Variants in PCDHGB2 observed in about 807,000 individuals in gnomAD.
The protein encoded by PCDHGB2 is protocadherin gamma subfamily B, 2.
A neutral mutation model predicts 59.3 loss-of-function variants in PCDHGB2; 55 were observed. That is an observed-to-expected ratio of 0.93 (90% CI 0.75 to 1.16). The LOEUF (loss-of-function observed/expected upper bound fraction) is 1.16, where lower values mean the gene tolerates loss of function less well. Ranked by LOEUF, PCDHGB2 falls within the 50% of genes most tolerant of loss-of-function variation. The pLI is 0.00. For synonymous variants in PCDHGB2, 516 were observed against 512.0 expected, an observed-to-expected ratio of 1.01 and a Z score of -0.11; for missense variants, 1,228 against 1,198.5, an observed-to-expected ratio of 1.02 and a Z score of -0.36.
chr5:141,362,243 T>C lies in PCDHGB2; in HGVS notation c.2108T>C (p.Phe703Ser), dbSNP rs1431406827. Residue 703 changes from phenylalanine to serine, a missense_variant, in exon 1 of 4, where the codon TTC (phenylalanine) becomes TCC (serine). Phe to Ser is a radical substitution (Grantham distance 155). Around this residue, in one of 3 missense-constraint regions of PCDHGB2, gnomAD observed 433 missense variants for 441.8 expected, o/e 0.98. Transcript: ENST00000522605. ...VVALALISVLFFLAVILAISL... is the reference protein window; with the variant it reads ...VVALALISVLSFLAVILAISL... ...GCCTTGGCCTTGATCTCAGTGCTCT[T>C]CTTCCTCGCGGTGATTCTGGCAATC... 6.2e-7 allele frequency: 1 copy of C among 1,613,912 alleles called. No individual in the cohort carries two copies. The highest frequency in any genetic ancestry group is 8.5e-7 in the Non-Finnish European group (1 of 1,179,906).
chr5:141,423,501 C>G, intron 1 of PCDHGB2: 1 of 1,613,990 alleles, frequency 6.2e-7, no homozygotes, highest in African/African-American at 1.3e-5. Flanking sequence ...CCCACGAGGT[C>G]TCTCTCATTG....
Position 141,404,830 on chromosome 5 carries a change from G to A in PCDHGB2, c.2421+42274G>A, listed in dbSNP as rs775106144. The A allele has an allele frequency of 3.7e-6, 6 of 1,613,932 alleles. No individual in the cohort carries two copies. In the East Asian group the frequency reaches 1.3e-4, roughly 36 times the overall value. ...CGGTGGGGCTGCACACAGGTGAAGT[G>A]CGCACAGCTCGGGCCCTGCTAGATA... On this transcript the variant is annotated intron_variant, in intron 1 of 3. Coordinates refer to ENST00000522605, the MANE Select transcript of PCDHGB2 (RefSeq NM_018923.3).
intron 1 of PCDHGB2, chr5:141,441,978 A>T (rs769977785): frequency 9.1e-5 from 26 of 285,248 alleles, no homozygotes; most frequent in Non-Finnish European, 1.8e-4. Flanking sequence ...TCAGCCTGGA[A>T]TGCGCACCGA....
Position 141,431,464 on chromosome 5 carries a change from G to GA in PCDHGB2, c.2422-63341dup, listed in dbSNP as rs1561852795. 1 of 1,613,782 alleles carries GA rather than the reference G, an allele frequency of 6.2e-7. No homozygotes were observed. Among genetic ancestry groups the GA allele is most frequent in the Non-Finnish European group, 8.5e-7 (1 of 1,179,972 alleles). ...GCATCCGCGTGATGGTTCTGGATGC[G>GA]AACGACAACGCACCAGCGTTTGCTC... On this transcript the variant is annotated intron_variant, in intron 1 of 3. Coordinates refer to ENST00000522605, the MANE Select transcript of PCDHGB2 (RefSeq NM_018923.3). This position sits in a 1 kb window ranked among gnomAD's most constrained non-coding sequence, Gnocchi z 4.8.
At chr5:141,421,601 T>C (rs1309928984) in intron 1 of PCDHGB2, 19 of 1,613,652 alleles carry the variant, frequency 1.2e-5, no homozygotes, top group Non-Finnish European at 1.6e-5. Context: ...GTGGAAATAA[T>C]AGATATTAAT....
chr5:141,437,719 TA>T (rs1316054877), intron 1 of PCDHGB2, among the ~76,000 whole-genome samples: 1 of 151,332 alleles, frequency 6.6e-6, no homozygotes, highest in African/African-American at 2.4e-5. Context: ...AGTTACCCTC[TA>T]ATGTTACACT....
intron 1 of PCDHGB2, chr5:141,415,641 TAAA>T: frequency 7.8e-7 from 1 of 1,280,840 alleles, no homozygotes; most frequent in African/African-American, 1.5e-5. Context: ...TTACTTTTGT[TAAA>T]AAAAAAAAGA....
Position 141,477,114 on chromosome 5 carries a change from G to C in PCDHGB2, c.2422-17693G>C. ...AAAGACAAGGGCGCCAATCCCGAAG[G>C]AGCACATTGCAAAGTGTTGGTGGAG... is the stretch of plus-strand genomic sequence containing the variant. On this transcript the variant is annotated intron_variant, in intron 1 of 3. Coordinates refer to ENST00000522605, the MANE Select transcript of PCDHGB2 (RefSeq NM_018923.3). This position sits in a 1 kb window ranked among gnomAD's most constrained non-coding sequence, Gnocchi z 4.9. 4.3e-6 allele frequency: 7 copies of C among 1,614,234 alleles called. No homozygotes were observed. Among genetic ancestry groups the C allele is most frequent in the Non-Finnish European group, 5.9e-6 (7 of 1,180,046 alleles).
chr5:141,486,608 G>A lies in PCDHGB2; in HGVS notation c.2422-8199G>A. On this transcript the variant is annotated intron_variant, in intron 1 of 3. Transcript: ENST00000522605. The surrounding 1 kb of genome is among the most constrained non-coding windows in gnomAD (Gnocchi z 5.0). ...AGGGGACCTGCTTTGCTCCCTTGCAGCCTCTGACCCAGACTCTGGCTTGAA... is the reference window on the plus strand; with the variant it reads ...AGGGGACCTGCTTTGCTCCCTTGCAACCTCTGACCCAGACTCTGGCTTGAA... 3 of 1,613,546 alleles carry A rather than the reference G, an allele frequency of 1.9e-6. No homozygotes were observed. The highest frequency in any genetic ancestry group is 2.5e-6 in the Non-Finnish European group (3 of 1,180,024).
intron 1 of PCDHGB2, chr5:141,370,796 C>A (rs1460787163): frequency 6.2e-7 from 1 of 1,614,006 alleles, no homozygotes; most frequent in Non-Finnish European, 8.5e-7. Flanking sequence ...CGACCTTTAG[C>A]CAAAATATCA....
chr5:141,370,898 G>A, intron 1 of PCDHGB2: 1 of 1,614,062 alleles, frequency 6.2e-7, no homozygotes, highest in African/African-American at 1.3e-5. Flanking sequence ...ATTCGCTGCA[G>A]CAGTACTACC....
chr5:141,423,456 C>T, intron 1 of PCDHGB2: 1 of 1,613,924 alleles, frequency 6.2e-7, no homozygotes, highest in Non-Finnish European at 8.5e-7. Context: ...ATTTTGTAGG[C>T]GTGGACGGGG....
chr5:141,403,614 G>C (rs772617526), intron 1 of PCDHGB2: 1 of 1,613,860 alleles, frequency 6.2e-7, no homozygotes, highest in Admixed American at 1.7e-5. Context: ...GGCGAGCCGC[G>C]TCGCTCCAGC....
intron 1 of PCDHGB2, among the ~76,000 whole-genome samples, chr5:141,406,372 T>C (rs1010742441): frequency 1.3e-5 from 2 of 152,204 alleles, no homozygotes; most frequent in African/African-American, 4.8e-5. Flanking sequence ...AAGGGTAAAC[T>C]GATAAAAAGG....
intron 1 of PCDHGB2, chr5:141,385,035 G>C: frequency 6.2e-7 from 1 of 1,614,164 alleles, no homozygotes; most frequent in East Asian, 2.2e-5. Context: ...TCGTACTGCT[G>C]GCGCTCAGGC....
In PCDHGB2 at chr5:141,477,875, G is replaced by A. The variant is rs760433987; in HGVS notation, c.2422-16932G>A. Reference sequence around the variant, plus strand: ...GATGCTGCCTCGAGGTACCTCAGCTGGCCACCTAGTGTCACGGGTGGTAGG... The same window carrying A: ...GATGCTGCCTCGAGGTACCTCAGCTAGCCACCTAGTGTCACGGGTGGTAGG... On this transcript the variant is annotated intron_variant, in intron 1 of 3. Coordinates refer to ENST00000522605, the MANE Select transcript of PCDHGB2 (RefSeq NM_018923.3). The surrounding 1 kb of genome is among the most constrained non-coding windows in gnomAD (Gnocchi z 4.9). 1 of 1,614,162 alleles carries A rather than the reference G, an allele frequency of 6.2e-7. No homozygotes were observed. Among genetic ancestry groups the A allele is most frequent in the Non-Finnish European group, 8.5e-7 (1 of 1,180,028 alleles).
intron 1 of PCDHGB2, chr5:141,427,916 G>T: frequency 1.3e-6 from 2 of 1,578,854 alleles, no homozygotes; most frequent in East Asian, 2.2e-5. Flanking sequence ...GCGCCAACAT[G>T]AGCCGGCGCA....
intron 1 of PCDHGB2, chr5:141,377,467 A>G (rs1170946460): frequency 1.3e-5 from 2 of 152,076 alleles, no homozygotes; most frequent in Non-Finnish European, 2.9e-5. Context: ...TGTGTGGCGT[A>G]CACCTGTAGT....
chr5:141,422,499 A>G lies in PCDHGB2; in HGVS notation c.2421+59943A>G. 3 of 1,614,036 alleles carry G rather than the reference A, an allele frequency of 1.9e-6. No homozygotes were observed. The South Asian group carries it at 3.3e-5, about 18-fold the overall frequency. On this transcript the variant is annotated intron_variant, in intron 1 of 3. Coordinates refer to ENST00000522605, the MANE Select transcript of PCDHGB2 (RefSeq NM_018923.3). ...TCCAGAGCTACAATATAACGTTGAC[A>G]GCCACAGACCAGGGAAGCCCGCCTT...
Sources: gnomAD v4.1 joint callset for allele counts (sites outside exome capture counted in the v4.1 genomes callset) on GRCh38, gnomAD v4.1.1 for gene constraint, gnomAD v4.1.1 regional missense constraint, Gnocchi (gnomAD v3.1) non-coding constraint, MANE v1.5 for transcripts, NCBI Gene and HGNC (gene_info 2026-07-23, HGNC 2026-07-21) for gene names.